The following RAPGEF4 variants were observed in gnomAD, a reference collection of about 807,000 sequenced individuals.
RAPGEF4 encodes the protein RAP guanine-nucleotide-exchange factor (GEF) 4.
A neutral mutation model predicts 147.9 loss-of-function variants in RAPGEF4; 66 were observed. The observed-to-expected ratio is 0.45, with a 90% CI of 0.37 to 0.55. The LOEUF (loss-of-function observed/expected upper bound fraction) is 0.55. Ranked by LOEUF, RAPGEF4 falls within the 20% of genes least tolerant of loss-of-function variation. The pLI, the probability that RAPGEF4 is intolerant of heterozygous loss-of-function variation, is 0.00. For synonymous variants in RAPGEF4, 419 were observed against 442.7 expected (o/e 0.95, Z 0.67); for missense variants, 1,071 against 1,257.3 (o/e 0.85, Z 2.24).
intron 17 of RAPGEF4, among the ~76,000 whole-genome samples, chr2:173,010,958 A>C (rs1204397090): frequency 6.6e-6 from 1 of 152,168 alleles, no homozygotes; most frequent in Non-Finnish European, 1.5e-5. Context: ...AGACTTTGTG[A>C]AATAAGTCAG....
chr2:172,928,109 C>A, intron 6 of RAPGEF4: 2 of 434,064 alleles, frequency 4.6e-6, no homozygotes, highest in South Asian at 3.4e-5. Context: ...AAAGCGTAAC[C>A]CCCGAGCCAG....
chr2:172,818,258 C>T (rs1348333923), intron 4 of RAPGEF4, among the ~76,000 whole-genome samples: 2 of 151,894 alleles, frequency 1.3e-5, no homozygotes, highest in Admixed American at 6.6e-5. Context: ...GATGGATGCA[C>T]GAAAATCTCA....
intron 17 of RAPGEF4, among the ~76,000 whole-genome samples, chr2:173,013,725 G>A (rs1695240399): frequency 6.6e-6 from 1 of 152,152 alleles, no homozygotes; most frequent in South Asian, 2.1e-4. Flanking sequence ...CAGTATCCTA[G>A]GCGTAGTGTA....
intron 14 of RAPGEF4, 65 bp from the exon 15 acceptor site, chr2:172,990,745 T>C (rs1336718653): frequency 3.4e-6 from 4 of 1,174,072 alleles, no homozygotes; most frequent in Non-Finnish European, 3.7e-6. Context: ...TCTGAAGCAT[T>C]TGAAAATTTT....
intron 1 of RAPGEF4, among the ~76,000 whole-genome samples, chr2:172,751,514 A>G (rs913099109): frequency 6.6e-6 from 1 of 152,182 alleles, no homozygotes; most frequent in Non-Finnish European, 1.5e-5. Context: ...ACAAATACAG[A>G]CAAAACTGCA....
At chr2:172,803,801 G>C (rs879417794) in intron 3 of RAPGEF4, among the ~76,000 whole-genome samples, 7 of 152,174 alleles carry the variant, frequency 4.6e-5, no homozygotes, top group Admixed American at 4.6e-4. Context: ...TTGCTGCATA[G>C]AAATTTCTTC....
rs1686233715 is a variant in RAPGEF4 at position 172,795,070 on chromosome 2, A to G, written c.111A>G (p.Arg37=). The change falls in exon 2 of 31, where the codon CGA becomes CGG. Residue 37 remains arginine (R), a synonymous_variant. Coordinates refer to ENST00000397081, the MANE Select transcript of RAPGEF4 (RefSeq NM_007023.4). ...SSEDVDIIFT[R]LKEVKAFEKF... is the part of the protein sequence containing the mutation. ...AAGATGTGGATATAATCTTCACTCG[A>G]CTGAAAGAAGTTAAAGCTTTTGAGA... 1.9e-6 allele frequency: 3 copies of G among 1,613,912 alleles called. No individual in the cohort carries two copies. The South Asian group carries it at 3.3e-5, about 18-fold the overall frequency.
At chr2:173,033,232 C>T (rs1697362365) in intron 26 of RAPGEF4, among the ~76,000 whole-genome samples, 1 of 152,010 alleles carries the variant, frequency 6.6e-6, no homozygotes, top group South Asian at 2.1e-4. Context: ...AAGCATGGCG[C>T]ATGTGAGAGA....
rs181121232 is a variant in RAPGEF4, at chr2:172,753,114, C to A, written c.65+17066C>A. On this transcript the variant is annotated intron_variant, in intron 1 of 30. Coordinates refer to ENST00000397081, the MANE Select transcript of RAPGEF4 (RefSeq NM_007023.4). ...TCCACAGGAGAAATGAGCAATGAAA[C>A]TGCTTCTCGGAGGAACTTACAGGAA... 1.3e-3 allele frequency among the ~76,000 whole-genome samples: 199 copies of A among 152,174 alleles called. 1 individual carries two copies. Among genetic ancestry groups the A allele is most frequent in the African/African-American group, 4.7e-3 (194 of 41,522 alleles).
intron 4 of RAPGEF4, among the ~76,000 whole-genome samples, chr2:172,846,374 A>G (rs561832687): frequency 6.6e-6 from 1 of 152,344 alleles, no homozygotes; most frequent in African/African-American, 2.4e-5. Flanking sequence ...TTCCCTGAGC[A>G]TAAGGTTTTG....
chr2:172,889,331 T>C (rs1697615154), intron 4 of RAPGEF4, among the ~76,000 whole-genome samples: 1 of 152,206 alleles, frequency 6.6e-6, no homozygotes, highest in Non-Finnish European at 1.5e-5. Flanking sequence ...GGATTTTCAT[T>C]GTTCAGGCTT....
chr2:172,929,843 G>A (rs1035955574), intron 6 of RAPGEF4, among the ~76,000 whole-genome samples: 54 of 152,250 alleles, frequency 3.5e-4, no homozygotes, highest in African/African-American at 1.3e-3. Flanking sequence ...AGCTCTTAGG[G>A]TTTCAGTTAA....
rs748430122 is a variant in RAPGEF4 at position 173,014,631 on chromosome 2, T to C, written c.1809+17T>C. The C allele has an allele frequency of 8.1e-6, 13 of 1,609,866 alleles. No individual in the cohort carries two copies. In the South Asian group the frequency reaches 1.4e-4, roughly 18 times the overall value. ...TTCCTGGAGGTAGGCAGGGGTCATCTCTTCCAAGAATATACTGTTGTCCTG... is the reference window on the plus strand; with the variant it reads ...TTCCTGGAGGTAGGCAGGGGTCATCCCTTCCAAGAATATACTGTTGTCCTG... On this transcript the variant is annotated intron_variant, in intron 18 of 30. Coordinates refer to ENST00000397081, the MANE Select transcript of RAPGEF4 (RefSeq NM_007023.4).
At chr2:172,870,373 C>G (rs569802755) in intron 4 of RAPGEF4, among the ~76,000 whole-genome samples, 1 of 152,244 alleles carries the variant, frequency 6.6e-6, no homozygotes, top group East Asian at 1.9e-4. Context: ...GAGAAGCTAT[C>G]CATCATGTCT....
At chr2:172,817,975 T>C (rs147265204) in intron 4 of RAPGEF4, among the ~76,000 whole-genome samples, 1,848 of 148,226 alleles carry the variant, frequency 0.012, 35 homozygotes, top group African/African-American at 0.038. Context: ...TATATATATA[T>C]ACACACACAC....
At chr2:172,958,165 A>G (rs1472962881) in intron 6 of RAPGEF4, among the ~76,000 whole-genome samples, 1 of 152,200 alleles carries the variant, frequency 6.6e-6, no homozygotes, top group African/African-American at 2.4e-5. Flanking sequence ...TTGGAAAGAA[A>G]AGTTGAGCTC....
At chr2:173,029,629 C>T (rs529456569) in intron 25 of RAPGEF4, among the ~76,000 whole-genome samples, 3 of 152,160 alleles carry the variant, frequency 2.0e-5, no homozygotes, top group Non-Finnish European at 4.4e-5. Flanking sequence ...CTTTAAAATT[C>T]CTTGAGATTG....
chr2:172,974,668 GTGAGACTCCA>G (rs1408454532), intron 10 of RAPGEF4, among the ~76,000 whole-genome samples: 1 of 152,156 alleles, frequency 6.6e-6, no homozygotes, highest in Non-Finnish European at 1.5e-5. Context: ...GGGCAACAGA[GTGAGACTCCA>G]TCTCAAAAAA....
intron 6 of RAPGEF4, among the ~76,000 whole-genome samples, chr2:172,958,847 TTC>T (rs2105444813): frequency 6.6e-6 from 1 of 152,376 alleles, no homozygotes; most frequent in African/African-American, 2.4e-5. Flanking sequence ...TAGTATTCTT[TTC>T]TCTTTTTCCT....
Sources: allele counts gnomAD v4.1 joint callset (sites outside exome capture counted in the v4.1 genomes callset), GRCh38; gene constraint gnomAD v4.1.1; transcripts MANE v1.5; gene names NCBI Gene and HGNC (gene_info 2026-07-23, HGNC 2026-07-21).